Variants in TTI1 observed in about 807,000 individuals in gnomAD.
TTI1 encodes the protein TELO2 interacting protein 1, also known as TELO2-interacting protein 1 homolog.
Under a neutral mutation model 85.4 loss-of-function variants are expected in TTI1, and 52 were observed. The ratio of observed to expected loss-of-function variants is 0.61; its 90% confidence interval spans 0.49 to 0.77. TTI1 has a LOEUF of 0.77. Among genes scored for constraint, TTI1 ranks in the 30% least tolerant of loss-of-function variants. The pLI, the probability that TTI1 is intolerant of heterozygous loss-of-function variation, is 0.00. For missense variants in TTI1, 1,173 were observed against 1,296.0 expected, an observed-to-expected ratio of 0.91 and a Z score of 1.46; for synonymous variants, 512 against 503.9, an observed-to-expected ratio of 1.02 and a Z score of -0.22.
Position 38,006,121 on chromosome 20 carries a change from G to A in TTI1, c.2503+76C>T. 6.5e-6 allele frequency: 10 copies of A among 1,529,884 alleles called. No homozygotes were observed. The Middle Eastern group carries it at 5.3e-4, about 82-fold the overall frequency. 94.8% of individuals were successfully genotyped at this position (1,529,884 alleles called of 1,614,324 possible). On this transcript the variant is annotated intron_variant, in intron 3 of 7. Transcript: ENST00000373447. ...AACTTTTCTTATTTCTACCCTTTCT[G>A]TAATGATGTTTCACCATTTTTACAA...
At chr20:38,032,279 C>T (rs1483767356) in intron 1 of TTI1, among the ~76,000 whole-genome samples, 1 of 152,214 alleles carries the variant, frequency 6.6e-6, no homozygotes, top group African/African-American at 2.4e-5. Context: ...AGTAACCTCT[C>T]ACTGCGTTAG....
intron 1 of TTI1, among the ~76,000 whole-genome samples, chr20:38,029,869 G>T (rs1379009919): frequency 2.6e-5 from 4 of 152,140 alleles, no homozygotes; most frequent in Admixed American, 2.6e-4. Flanking sequence ...CTGGCCCTGT[G>T]ATATCCTGCA....
intron 7 of TTI1, chr20:37,987,199 T>C (rs1286498793): frequency 8.8e-6 from 4 of 456,638 alleles, no homozygotes; most frequent in Non-Finnish European, 1.8e-5. Flanking sequence ...TTCCAAACTC[T>C]GGTGTCACTT....
chr20:38,020,323 A>AAAAAAAAAAAAAT, intron 1 of TTI1, among the ~76,000 whole-genome samples: 34 of 50,374 alleles, frequency 6.7e-4, no homozygotes, highest in African/African-American at 2.9e-3. Flanking sequence ...AAAAAAAAAA[A>AAAAAAAAAAAAAT]ATATATATAT....
chr20:37,997,468 C>T (rs1010379635), intron 5 of TTI1, among the ~76,000 whole-genome samples: 1 of 151,666 alleles, frequency 6.6e-6, no homozygotes, highest in Non-Finnish European at 1.5e-5. Context: ...AAGTTGCAGC[C>T]GACTCGGTGT....
intron 7 of TTI1, among the ~76,000 whole-genome samples, chr20:37,985,057 C>T (rs1004823130): frequency 6.6e-6 from 1 of 152,174 alleles, no homozygotes; most frequent in African/African-American, 2.4e-5. Context: ...AAGGAAGGAA[C>T]AAGGAAGATT....
chr20:38,030,175 T>C (rs939154067), intron 1 of TTI1, among the ~76,000 whole-genome samples: 1 of 151,250 alleles, frequency 6.6e-6, no homozygotes, highest in African/African-American at 2.4e-5. Context: ...ATAAACTGAA[T>C]TTGTCACTTA....
chr20:38,003,330 A>G (rs1029083543), intron 3 of TTI1, among the ~76,000 whole-genome samples: 1 of 152,208 alleles, frequency 6.6e-6, no homozygotes. Context: ...CAAAAAGCAC[A>G]ACACAAAATT....
intron 1 of TTI1, among the ~76,000 whole-genome samples, chr20:38,024,726 T>C (rs1248131504): frequency 6.6e-6 from 1 of 152,138 alleles, no homozygotes; most frequent in African/African-American, 2.4e-5. Flanking sequence ...CCCACTCTCA[T>C]AAGTCTGTAA....
rs1339903602 is a variant in TTI1 at position 38,011,985 on chromosome 20, G to C, written c.1832C>G (p.Ser611Ter). 5 of 1,614,230 alleles carry C rather than the reference G, an allele frequency of 3.1e-6. No homozygotes were observed. The highest frequency in any genetic ancestry group is 4.2e-6 in the Non-Finnish European group (5 of 1,180,050). Residue 611 changes from serine to a stop codon, truncating the protein, a stop_gained, in exon 2 of 8, where the codon TCA becomes TGA. Coordinates refer to ENST00000373447, the MANE Select transcript of TTI1 (RefSeq NM_001303457.2). LOFTEE classifies it high-confidence loss of function. Reference sequence around the variant, plus strand: ...GGAGCAAATAGTGGGACTTGGCTTTGAGAAGGCTAGAAAAGATGTAACTTG... The same window carrying C: ...GGAGCAAATAGTGGGACTTGGCTTTCAGAAGGCTAGAAAAGATGTAACTTG... ...TCQVTSFLAF[S>*]KPSPTICSMN...
At chr20:37,990,272 G>A (rs868832001) in intron 7 of TTI1, among the ~76,000 whole-genome samples, 1 of 152,180 alleles carries the variant, frequency 6.6e-6, no homozygotes. Flanking sequence ...GGAATAAGAA[G>A]AAATTTAAAT....
chr20:37,984,322 G>T (rs1196178643), intron 7 of TTI1, among the ~76,000 whole-genome samples: 1 of 152,214 alleles, frequency 6.6e-6, no homozygotes, highest in Non-Finnish European at 1.5e-5. Context: ...CTTTGGCAGA[G>T]ATAGAGCACT....
At chr20:38,015,833 C>T (rs757073839) in intron 1 of TTI1, among the ~76,000 whole-genome samples, 37 of 152,220 alleles carry the variant, frequency 2.4e-4, no homozygotes, top group Non-Finnish European at 3.8e-4. Flanking sequence ...GATGCAGAGA[C>T]GCAAACTGTG....
intron 7 of TTI1, among the ~76,000 whole-genome samples, chr20:37,987,968 G>A (rs1023987194): frequency 2.6e-5 from 4 of 152,172 alleles, no homozygotes; most frequent in African/African-American, 4.8e-5. Flanking sequence ...GGGAGGAAAC[G>A]TGCTCCTGGA....
chr20:38,025,625 CAA>C (rs1483295411), intron 1 of TTI1, among the ~76,000 whole-genome samples: 2 of 149,764 alleles, frequency 1.3e-5, no homozygotes, highest in African/African-American at 4.9e-5. Context: ...ACCAAGATGA[CAA>C]AGAGACAAAG....
At position 38,006,076 on chromosome 20, in the gene TTI1, A is replaced by G. The variant is rs1480370623; in HGVS notation, c.2503+121T>C. On this transcript the variant is annotated intron_variant, in intron 3 of 7. Coordinates refer to ENST00000373447, the MANE Select transcript of TTI1 (RefSeq NM_001303457.2). The stretch of plus-strand genomic sequence containing the variant: ...CACAAAACAGGAGAATAGCTATGTT[A>G]GCCTGGTAAGGTTATGAGTAACTTT... The G allele has an allele frequency of 3.6e-6, 4 of 1,104,220 alleles. No individual in the cohort carries two copies. In the African/African-American group the frequency reaches 6.3e-5, roughly 17 times the overall value. 68.4% of individuals were successfully genotyped at this position (1,104,220 alleles called of 1,614,324 possible).
chr20:37,987,092 C>T (rs937115646), intron 7 of TTI1: 71 of 447,966 alleles, frequency 1.6e-4, no homozygotes, highest in African/African-American at 1.1e-3. Context: ...ACTCTAAACA[C>T]GACAAATTCC....
intron 2 of TTI1, among the ~76,000 whole-genome samples, chr20:38,010,771 C>T (rs2073573631): frequency 1.3e-5 from 2 of 152,134 alleles, no homozygotes; most frequent in Non-Finnish European, 2.9e-5. Context: ...CCACCGCCCC[C>T]AGCCAATTTT....
At chr20:37,992,556 C>T (rs890892818) in intron 7 of TTI1, among the ~76,000 whole-genome samples, 18 of 152,146 alleles carry the variant, frequency 1.2e-4, no homozygotes, top group African/African-American at 3.6e-4. Context: ...GGATTACAAG[C>T]GTGAGCCACA....
Sources: allele counts gnomAD v4.1 joint callset (sites outside exome capture counted in the v4.1 genomes callset), GRCh38; gene constraint gnomAD v4.1.1; transcripts MANE v1.5; gene names NCBI Gene and HGNC (gene_info 2026-07-23, HGNC 2026-07-21).